The following SHARPIN variants were observed in gnomAD, a reference collection of about 807,000 sequenced individuals.
SHARPIN encodes hSIPL1.
SHARPIN carries 25 observed loss-of-function variants against 40.3 expected under a neutral mutation model. The observed-to-expected ratio is 0.62, with a 90% CI of 0.45 to 0.87. The LOEUF (loss-of-function observed/expected upper bound fraction) is 0.87. Among genes scored for constraint, SHARPIN ranks in the 40% least tolerant of loss-of-function variants. SHARPIN has a pLI of 0.00. For synonymous variants in SHARPIN, 274 were observed against 221.8 expected (o/e 1.24, Z -2.09); for missense variants, 551 against 516.1 (o/e 1.07, Z -0.66).
rs541030351 is a variant in SHARPIN, at chr8:144,103,637, T to C, written c.117A>G (p.Ala39=). Residue 39 remains alanine, a synonymous_variant, in exon 1 of 9, where the codon GCA becomes GCG. Coordinates refer to ENST00000398712, the MANE Select transcript of SHARPIN (RefSeq NM_030974.4). ...RPLGAGPDAE[A]QLRRLQLSAD... ...CGCTCAGCTGCAGCCTCCGCAGCTG[T>C]GCCTCGGCGTCTGGCCCGGCGCCCA... The C allele has an allele frequency of 2.0e-6, 3 of 1,525,374 alleles. No individual in the cohort carries two copies. Among genetic ancestry groups the C allele is most frequent in the East Asian group, 5.0e-5 (2 of 40,140 alleles). 94.5% of individuals were successfully genotyped at this position (1,525,374 alleles called of 1,614,324 possible).
intron 2 of SHARPIN, 78 bp downstream of exon 2, chr8:144,102,973 T>C: frequency 6.4e-7 from 1 of 1,569,272 alleles, no homozygotes; most frequent in Non-Finnish European, 8.7e-7. Flanking sequence ...GTGGGGAAGG[T>C]GGATCCAACT....
At chr8:144,101,439 C>T (rs1422114873) in intron 2 of SHARPIN, among the ~76,000 whole-genome samples, 7 of 131,036 alleles carry the variant, frequency 5.3e-5, no homozygotes, top group Admixed American at 8.9e-5. Flanking sequence ...GATGGAGTCT[C>T]GCTCTGTTGC....
intron 2 of SHARPIN, among the ~76,000 whole-genome samples, chr8:144,101,948 ACTGTCTGG>A (rs1836295480): frequency 6.6e-6 from 1 of 151,940 alleles, no homozygotes; most frequent in Non-Finnish European, 1.5e-5. Context: ...CTCTTACATC[ACTGTCTGG>A]CTGTCTTCCT....
chr8:144,100,573 T>TG (rs201311129), intron 2 of SHARPIN, among the ~76,000 whole-genome samples: 2,625 of 152,290 alleles, frequency 0.017, 27 homozygotes, highest in Middle Eastern at 0.037. Flanking sequence ...CCCACTGCAA[T>TG]GGGGGGGTCC....
Position 144,099,207 on chromosome 8 carries a change from T to G in SHARPIN, c.923-2A>C. ...GGTGCTGAGGGCTAGGTCCTGTGGC[T>G]GAGGGGGTGGAGCTCAGGACTGTGG... On this transcript the variant is annotated splice_acceptor_variant, in intron 6 of 8. Transcript: ENST00000398712. LOFTEE classifies it high-confidence loss of function. 1 of 1,607,544 alleles carries G rather than the reference T, an allele frequency of 6.2e-7. No individual in the cohort carries two copies. The highest frequency in any genetic ancestry group is 1.1e-5 in the South Asian group (1 of 90,608).
In SHARPIN at chr8:144,099,747, CAG is replaced by C. The variant is rs1564313667; in HGVS notation, c.613_614del (p.Leu205GlufsTer21). On this transcript the variant is annotated frameshift_variant, in exon 4 of 9. Coordinates refer to ENST00000398712, the MANE Select transcript of SHARPIN (RefSeq NM_030974.4). LOFTEE classifies it high-confidence loss of function. ...AGCAGGCCTCCTGAAGCTGAACACTCAGGGCCACACGATGCTGGGCCAGGACG... is the reference window on the plus strand; with the variant it reads ...AGCAGGCCTCCTGAAGCTGAACACTCGGCCACACGATGCTGGGCCAGGACG... ...AAVLAQHRVA[L>X]SVQLQEACFP... 6.2e-7 allele frequency: 1 copy of C among 1,613,482 alleles called. No homozygotes were observed. Among genetic ancestry groups the C allele is most frequent in the East Asian group, 2.2e-5 (1 of 44,876 alleles).
intron 2 of SHARPIN, chr8:144,100,772 A>G (rs2129988817): frequency 6.6e-6 from 1 of 151,980 alleles, no homozygotes; most frequent in Admixed American, 6.6e-5. Flanking sequence ...TTCCTTGGTC[A>G]CATGGTTCAT....
At chr8:144,103,019 A>C in intron 2 of SHARPIN, 32 bp downstream of exon 2, 1 of 1,612,074 alleles carries the variant, frequency 6.2e-7, no homozygotes, top group Non-Finnish European at 8.5e-7. Context: ...GGCTATTCCA[A>C]ATTGTAATTG....
Position 144,099,502 on chromosome 8 carries a change from G to C in SHARPIN, c.768+8C>G. On this transcript the variant is annotated splice_region_variant and intron_variant, in intron 5 of 8. Coordinates refer to ENST00000398712, the MANE Select transcript of SHARPIN (RefSeq NM_030974.4). ...CCCCTGGCAGGGCTCCCCAGACCCT[G>C]TGCCCACCTGCTCCTGGAGAGCTGC... 1 of 1,612,898 alleles carries C rather than the reference G, an allele frequency of 6.2e-7. No homozygotes were observed. Among genetic ancestry groups the C allele is most frequent in the Non-Finnish European group, 8.5e-7 (1 of 1,179,420 alleles).
intron 4 of SHARPIN, 29 bp downstream of exon 4, chr8:144,099,674 C>G: frequency 6.2e-7 from 1 of 1,613,028 alleles, no homozygotes; most frequent in South Asian, 1.1e-5. Flanking sequence ...GTCACGAGGA[C>G]AAGGTGAAGA....
In SHARPIN at chr8:144,099,283, C is replaced by G. The variant is rs562533242; in HGVS notation, c.916G>C (p.Ala306Pro). The change falls in exon 6 of 9, where the codon GCC becomes CCC. Residue 306 changes from alanine to proline, a missense_variant. Physicochemically the swap from Ala to Pro is conservative, Grantham distance 27. Coordinates refer to ENST00000398712, the MANE Select transcript of SHARPIN (RefSeq NM_030974.4). ...FLYLLSAPRE[A>P]PATGPSPQHP... ...ACCCCCATCGAGGACTGACCTGGGG[C>G]TTCTCGAGGAGCTGACAGCAAGTAG... 6.2e-7 allele frequency: 1 copy of G among 1,614,134 alleles called. No homozygotes were observed. Among genetic ancestry groups the G allele is most frequent in the Non-Finnish European group, 8.5e-7 (1 of 1,180,006 alleles).
rs1164072376 is a variant in SHARPIN, at chr8:144,103,713, T to A, written c.41A>T (p.Asp14Val). The change falls in exon 1 of 9, where the codon GAC becomes GTC. Residue 14 changes from aspartate (D) to valine (V), a missense_variant. Physicochemically the swap from Asp to Val is radical, Grantham distance 152 (BLOSUM62 -3). Transcript: ENST00000398712. Reference protein sequence around the residue: ...PAGGAAAAASDLGSAAVLLAV... With the variant: ...PAGGAAAAASVLGSAAVLLAV... ...CAAGAGCACTGCGGCGGAGCCCAAGTCCGAGGCCGCCGCCGCCGCCCCGCC... is the reference window on the plus strand; with the variant it reads ...CAAGAGCACTGCGGCGGAGCCCAAGACCGAGGCCGCCGCCGCCGCCCCGCC... 3 of 1,414,020 alleles carry A rather than the reference T, an allele frequency of 2.1e-6. No individual in the cohort carries two copies. Among genetic ancestry groups the A allele is most frequent in the African/African-American group, 1.5e-5 (1 of 66,290 alleles). 87.6% of individuals were successfully genotyped at this position (1,414,020 alleles called of 1,614,324 possible).
In SHARPIN at chr8:144,099,952, C is replaced by T; in HGVS notation, c.494G>A (p.Ser165Asn). Residue 165 changes from serine (S) to asparagine (N), a missense_variant, in exon 3 of 9, where the codon AGC becomes AAC. Coordinates refer to ENST00000398712, the MANE Select transcript of SHARPIN (RefSeq NM_030974.4). ...ACCTCTCTCCGTCAAGTTTCCAGGG[C>T]TCCTAGGAAGATCTGCCTCAGGTGG... ...GPPPEADLPRSPGNLTEREEL... is the reference protein window; with the variant it reads ...GPPPEADLPRNPGNLTEREEL... The T allele has an allele frequency of 1.9e-6, 3 of 1,540,950 alleles. No homozygotes were observed. Among genetic ancestry groups the T allele is most frequent in the Non-Finnish European group, 2.6e-6 (3 of 1,136,116 alleles).
rs1587610528 is a variant in SHARPIN, at chr8:144,099,986, T to G, written c.460A>C (p.Lys154Gln). The change falls in exon 3 of 9, where the codon AAG becomes CAG. Residue 154 changes from lysine to glutamine, a missense_variant. Physicochemically the swap from Lys to Gln is moderately conservative, Grantham distance 53 (BLOSUM62 1). Coordinates refer to ENST00000398712, the MANE Select transcript of SHARPIN (RefSeq NM_030974.4). ...LPSPPEASTL[K>Q]GPPPEADLPR... is the part of the protein sequence containing the mutation. ...AGATCTGCCTCAGGTGGAGGGCCCT[T>G]GAGTGTGGAGGCTTCCGGGGGACTG... 1 of 1,610,182 alleles carries G rather than the reference T, an allele frequency of 6.2e-7. No homozygotes were observed. The highest frequency in any genetic ancestry group is 8.5e-7 in the Non-Finnish European group (1 of 1,178,232).
In SHARPIN at chr8:144,099,957, AG is replaced by A; in HGVS notation, c.488del (p.Pro163LeufsTer7). ...LKGPPPEADL[P>X]RSPGNLTERE... ...TCTCCGTCAAGTTTCCAGGGCTCCT[AG>A]GAAGATCTGCCTCAGGTGGAGGGCC... On this transcript the variant is annotated frameshift_variant, in exon 3 of 9. Transcript: ENST00000398712. LOFTEE classifies it high-confidence loss of function. 1 of 1,604,194 alleles carries A rather than the reference AG, an allele frequency of 6.2e-7. No individual in the cohort carries two copies. Among genetic ancestry groups the A allele is most frequent in the South Asian group, 1.1e-5 (1 of 90,652 alleles).
intron 2 of SHARPIN, 41 bp downstream of exon 2, chr8:144,103,010 G>T: frequency 1.2e-6 from 2 of 1,611,096 alleles, no homozygotes; most frequent in Non-Finnish European, 1.7e-6. Flanking sequence ...GGGGGCCAAG[G>T]CTATTCCAAA....
chr8:144,099,025 T>C, intron 7 of SHARPIN, 31 bp from the exon 8 acceptor site: 1 of 1,594,892 alleles, frequency 6.3e-7, no homozygotes, highest in African/African-American at 1.4e-5. Flanking sequence ...GTTGCTTCCC[T>C]GCTCTTTCCA....
Position 144,103,540 on chromosome 8 carries a change from C to G in SHARPIN, c.201+13G>C. The G allele has an allele frequency of 1.3e-6, 2 of 1,531,188 alleles. No homozygotes were observed. The highest frequency in any genetic ancestry group is 1.7e-6 in the Non-Finnish European group (2 of 1,145,366). 94.9% of individuals were successfully genotyped at this position (1,531,188 alleles called of 1,614,324 possible). ...CCAAGAGGACTGACCGCGCGCCCTC[C>G]GCCCCCACTCACCGCCCCAGGTCCC... On this transcript the variant is annotated intron_variant, in intron 1 of 8. Transcript: ENST00000398712.
At position 144,101,400 on chromosome 8, in the gene SHARPIN, C is replaced by CT. The variant is rs1447725140; in HGVS notation, c.377-1332dup. Among the ~76,000 whole-genome samples the CT allele has an allele frequency of 3.8e-5, 4 of 105,832 alleles. No individual in the cohort carries two copies. The East Asian group carries it at 1.2e-3, about 32-fold the overall frequency. 69.4% of individuals were successfully genotyped at this position (105,832 alleles called of 152,430 possible). On this transcript the variant is annotated intron_variant, in intron 2 of 8. Coordinates refer to ENST00000398712, the MANE Select transcript of SHARPIN (RefSeq NM_030974.4). The stretch of plus-strand genomic sequence containing the variant: ...TACAGGCAGACACGACTACACTCAG[C>CT]TAATTTTTTTTTTTTTTTTTTTTTG...
Sources: gnomAD v4.1 joint callset for allele counts (sites outside exome capture counted in the v4.1 genomes callset) on GRCh38, gnomAD v4.1.1 for gene constraint, MANE v1.5 for transcripts, NCBI Gene and HGNC (gene_info 2026-07-23, HGNC 2026-07-21) for gene names.